ADARB2: variants seen among roughly 807,000 people sequenced by gnomAD.
ADARB2 encodes the protein adenosine deaminase RNA specific B2 (inactive), also known as inactive double-stranded RNA-specific editase B2.
Under a neutral mutation model 62.2 loss-of-function variants are expected in ADARB2, and 25 were observed. That is an observed-to-expected ratio of 0.40 (90% CI 0.29 to 0.56). The LOEUF is 0.56. ADARB2 is among the 20% of genes least tolerant of loss of function. ADARB2 has a pLI of 0.43. For missense variants in ADARB2, 1,071 were observed against 1,077.4 expected, an observed-to-expected ratio of 0.99 and a Z score of 0.08; for synonymous variants, 572 against 500.8, an observed-to-expected ratio of 1.14 and a Z score of -1.90.
intron 1 of ADARB2, among the ~76,000 whole-genome samples, chr10:1,390,153 T>A (rs1277775104): frequency 6.6e-6 from 1 of 152,202 alleles, no homozygotes; most frequent in Non-Finnish European, 1.5e-5. Context: ...AAATTTTACA[T>A]TATGATATAG....
At chr10:1,223,549 G>T (rs995911835) in intron 6 of ADARB2, among the ~76,000 whole-genome samples, 1 of 152,130 alleles carries the variant, frequency 6.6e-6, no homozygotes, top group Non-Finnish European at 1.5e-5. Context: ...GTATGATATT[G>T]GCTGTGGGTT....
intron 1 of ADARB2, among the ~76,000 whole-genome samples, chr10:1,392,758 A>AT (rs1832580763): frequency 6.6e-6 from 1 of 152,142 alleles, no homozygotes; most frequent in Non-Finnish European, 1.5e-5. Context: ...TTTCCTGGCA[A>AT]TTTCAGAGAT....
At chr10:1,293,169 G>A (rs1831488467) in intron 3 of ADARB2, among the ~76,000 whole-genome samples, 1 of 50,740 alleles carries the variant, frequency 2.0e-5, no homozygotes, top group South Asian at 6.2e-4. Flanking sequence ...GTAAGAAGGG[G>A]GGAGAGGGGG....
intron 7 of ADARB2, among the ~76,000 whole-genome samples, chr10:1,210,554 C>T (rs980569164): frequency 2.6e-5 from 4 of 152,234 alleles, no homozygotes; most frequent in Non-Finnish European, 5.9e-5. Context: ...ACACGTGCTT[C>T]GCCTCCATAA....
intron 3 of ADARB2, among the ~76,000 whole-genome samples, chr10:1,286,675 C>T (rs1831416935): frequency 6.6e-6 from 1 of 152,138 alleles, no homozygotes; most frequent in African/African-American, 2.4e-5. Flanking sequence ...GTCTCTGAGC[C>T]ACGGGTTCCT....
intron 1 of ADARB2, among the ~76,000 whole-genome samples, chr10:1,564,749 A>C (rs1156511137): frequency 6.6e-6 from 1 of 151,936 alleles, no homozygotes; most frequent in Non-Finnish European, 1.5e-5. Flanking sequence ...ATCATTAAAA[A>C]GTCAGGAAAC....
intron 1 of ADARB2, among the ~76,000 whole-genome samples, chr10:1,410,349 C>T (rs538009286): frequency 5.9e-5 from 9 of 152,048 alleles, no homozygotes; most frequent in African/African-American, 2.2e-4. Context: ...TGAGGCCTGG[C>T]TGTGGTCATG....
At chr10:1,629,948 C>T (rs769299711) in intron 1 of ADARB2, among the ~76,000 whole-genome samples, 2 of 151,690 alleles carry the variant, frequency 1.3e-5, no homozygotes, top group African/African-American at 2.4e-5. Flanking sequence ...AACCAACCCC[C>T]GTCATTCCTT....
chr10:1,538,243 G>A (rs1832358990), intron 1 of ADARB2, among the ~76,000 whole-genome samples: 1 of 152,216 alleles, frequency 6.6e-6, no homozygotes, highest in Non-Finnish European at 1.5e-5. Context: ...TTGTGGCTGT[G>A]GCTGCAGGGG....
intron 1 of ADARB2, among the ~76,000 whole-genome samples, chr10:1,711,334 C>T (rs538672212): frequency 3.8e-4 from 58 of 152,178 alleles, no homozygotes; most frequent in Non-Finnish European, 7.3e-4. Context: ...GAGGGGAACC[C>T]GCTGGACACC....
intron 1 of ADARB2, among the ~76,000 whole-genome samples, chr10:1,728,959 T>C (rs944193741): frequency 1.2e-4 from 18 of 152,212 alleles, no homozygotes. Context: ...TCCTAGTACT[T>C]TTCCTAGAAC....
Position 1,510,096 on chromosome 10 carries a change from T to TTTC in ADARB2, c.101-130937_101-130936insGAA, listed in dbSNP as rs1564312412. On this transcript the variant is annotated intron_variant, in intron 1 of 9. Transcript: ENST00000381312. ...TTCTTTCTCTTTCTCTCTCTCTCTCTTTTCTTTCTTTCTCTCTTTCTTTCT... is the reference window on the plus strand; with the variant it reads ...TTCTTTCTCTTTCTCTCTCTCTCTCTTTCTTTCTTTCTTTCTCTCTTTCTTTCT... 3.3e-3 allele frequency among the ~76,000 whole-genome samples: 411 copies of TTTC among 124,728 alleles called. 3 individuals carry two copies. The highest frequency in any genetic ancestry group is 0.029 in the Admixed American group (309 of 10,660). The allele number at this position is 124,728 out of a possible 152,430, so 81.8% of individuals were successfully genotyped here.
chr10:1,438,003 C>T (rs763992187), intron 1 of ADARB2, among the ~76,000 whole-genome samples: 6 of 152,234 alleles, frequency 3.9e-5, no homozygotes, highest in Admixed American at 6.5e-5. Context: ...AGAACCGCTT[C>T]GTCCCCTTCC....
chr10:1,434,823 G>A (rs1048756893), intron 1 of ADARB2, among the ~76,000 whole-genome samples: 5 of 152,226 alleles, frequency 3.3e-5, no homozygotes, highest in Non-Finnish European at 7.4e-5. Flanking sequence ...TAGACATAGA[G>A]CTTAGAAGGT....
chr10:1,223,528 T>A (rs1488594037), intron 6 of ADARB2, among the ~76,000 whole-genome samples: 1 of 152,232 alleles, frequency 6.6e-6, no homozygotes, highest in Non-Finnish European at 1.5e-5. Flanking sequence ...CTTCCAGTTT[T>A]TGCCCATTCA....
chr10:1,721,677 C>T (rs551460409), intron 1 of ADARB2, among the ~76,000 whole-genome samples: 1 of 152,310 alleles, frequency 6.6e-6, no homozygotes, highest in African/African-American at 2.4e-5. Context: ...GTACAGAGGG[C>T]CTTGTGTGGC....
chr10:1,549,176 T>C (rs949517755), intron 1 of ADARB2, among the ~76,000 whole-genome samples: 1 of 106,126 alleles, frequency 9.4e-6, no homozygotes, highest in Non-Finnish European at 1.8e-5. Context: ...CCCTCCTCTC[T>C]CACTGAAAGG....
chr10:1,327,816 T>TCCTCACAGCTCAGCA (rs1417723266), intron 3 of ADARB2, among the ~76,000 whole-genome samples: 1 of 69,014 alleles, frequency 1.4e-5, no homozygotes, highest in East Asian at 3.5e-4. Flanking sequence ...GTTCAGCATC[T>TCCTCACAGCTCAGCA]CCTCACAGCT....
At chr10:1,222,297 G>A (rs1307958987) in intron 6 of ADARB2, among the ~76,000 whole-genome samples, 5 of 152,160 alleles carry the variant, frequency 3.3e-5, no homozygotes, top group African/African-American at 1.2e-4. Flanking sequence ...TGAGTTCATT[G>A]TAGATTCTGG....
Sources: gnomAD v4.1 joint callset for allele counts (sites outside exome capture counted in the v4.1 genomes callset) on GRCh38, gnomAD v4.1.1 for gene constraint, MANE v1.5 for transcripts, NCBI Gene and HGNC (gene_info 2026-07-23, HGNC 2026-07-21) for gene names.